RAP1GAP2: variants seen among roughly 807,000 people sequenced by gnomAD.
The protein encoded by RAP1GAP2 is rap1 GTPase-activating protein 2.
A neutral mutation model predicts 95.0 loss-of-function variants in RAP1GAP2; 27 were observed. The observed-to-expected ratio is 0.28, with a 90% CI of 0.21 to 0.39. The LOEUF (loss-of-function observed/expected upper bound fraction) is 0.39. Among genes scored for constraint, RAP1GAP2 ranks in the 10% least tolerant of loss-of-function variants. The pLI, the probability that RAP1GAP2 is intolerant of heterozygous loss-of-function variation, is 1.00. For missense variants in RAP1GAP2, 771 were observed against 970.0 expected (o/e 0.79, Z 2.72); for synonymous variants, 373 against 380.9 (o/e 0.98, Z 0.24).
intron 2 of RAP1GAP2, among the ~76,000 whole-genome samples, chr17:2,808,315 C>G (rs1323837143): frequency 6.6e-6 from 1 of 152,098 alleles, no homozygotes; most frequent in African/African-American, 2.4e-5. Context: ...TCTCAGAAGG[C>G]TTCCTGTGAG....
rs575454893 is a variant in RAP1GAP2 at position 2,913,929 on chromosome 17, G to A, written c.165+8561G>A. ...TCTGTTGCCCAGGCTGGAGAGCAGT[G>A]ACGCAATCTCTGCTCACTGCAGCCT... On this transcript the variant is annotated intron_variant, in intron 3 of 24. Transcript: ENST00000254695. Among the ~76,000 whole-genome samples, 15 of 151,698 alleles carry A rather than the reference G, an allele frequency of 9.9e-5. No individual in the cohort carries two copies. In the East Asian group the frequency reaches 2.9e-3, roughly 30 times the overall value.
At chr17:2,774,691 G>A (rs562152338), upstream of RAP1GAP2, among the ~76,000 whole-genome samples, 24 of 151,624 alleles carry the variant, frequency 1.6e-4, no homozygotes, top group African/African-American at 5.6e-4. Flanking sequence ...GGCTGGTCTC[G>A]AATTCCTGAC....
In RAP1GAP2 at chr17:2,890,943, C is replaced by T. The variant is rs1008384915; in HGVS notation, c.81-14341C>T. On this transcript the variant is annotated intron_variant, in intron 2 of 24. Coordinates refer to ENST00000254695, the MANE Select transcript of RAP1GAP2 (RefSeq NM_015085.5). ...TCTAGTGATCTGCCCACCTCGGCCTCCCAAAGTGCTGGGATTACAGGCTTG... is the reference window on the plus strand; with the variant it reads ...TCTAGTGATCTGCCCACCTCGGCCTTCCAAAGTGCTGGGATTACAGGCTTG... Among the ~76,000 whole-genome samples, 4 of 152,210 alleles carry T rather than the reference C, an allele frequency of 2.6e-5. No individual in the cohort carries two copies. The East Asian group carries it at 7.7e-4, about 29-fold the overall frequency.
rs1227248405 is a variant in RAP1GAP2, at chr17:2,849,998, GC to G, written c.80+49449del. ...GTGTCACTAACACCTAACACTGCCTGCTTTTTTTTTTTTTTTTTTTGAGATG... is the reference window on the plus strand; with the variant it reads ...GTGTCACTAACACCTAACACTGCCTGTTTTTTTTTTTTTTTTTTTGAGATG... On this transcript the variant is annotated intron_variant, in intron 2 of 24. Coordinates refer to ENST00000254695, the MANE Select transcript of RAP1GAP2 (RefSeq NM_015085.5). Among the ~76,000 whole-genome samples, 14 of 136,130 alleles carry G rather than the reference GC, an allele frequency of 1.0e-4. 3 individuals are homozygous for G. The highest frequency in any genetic ancestry group is 9.4e-5 in the Non-Finnish European group (6 of 63,950). 89.3% of individuals were successfully genotyped at this position (136,130 alleles called of 152,430 possible). A position where few individuals can be genotyped will look rare whatever the true frequency, so the allele number is the denominator to read the frequency against.
Position 2,995,332 on chromosome 17 carries a change from G to T in RAP1GAP2, c.915-5G>T. 6.2e-7 allele frequency: 1 copy of T among 1,613,314 alleles called. No homozygotes were observed. Among genetic ancestry groups the T allele is most frequent in the South Asian group, 1.1e-5 (1 of 91,058 alleles). On this transcript the variant is annotated splice_polypyrimidine_tract_variant and splice_region_variant and intron_variant, in intron 12 of 24. Transcript: ENST00000254695. Reference sequence around the variant, plus strand: ...TCCCCATCTCCTGCCCTGTTTTGTTGACAGTTTCCGAGGAGGCCTGGACGT... The same window carrying T: ...TCCCCATCTCCTGCCCTGTTTTGTTTACAGTTTCCGAGGAGGCCTGGACGT...
rs540672425 is a variant in RAP1GAP2 at position 2,904,834 on chromosome 17, G to A, written c.81-450G>A. ...TTAGAGTAGCACTGCTTTAGATTTTGGTGCATTGGAGTAAAGAAAATGCTC... is the reference window on the plus strand; with the variant it reads ...TTAGAGTAGCACTGCTTTAGATTTTAGTGCATTGGAGTAAAGAAAATGCTC... On this transcript the variant is annotated intron_variant, in intron 2 of 24. Coordinates refer to ENST00000254695, the MANE Select transcript of RAP1GAP2 (RefSeq NM_015085.5). This position sits in a 1 kb window ranked among gnomAD's most constrained non-coding sequence, Gnocchi z 4.7. Among the ~76,000 whole-genome samples, 1 of 152,024 alleles carries A rather than the reference G, an allele frequency of 6.6e-6. No individual in the cohort carries two copies. The highest frequency in any genetic ancestry group is 2.4e-5 in the African/African-American group (1 of 41,462).
chr17:2,915,086 G>A lies in RAP1GAP2; in HGVS notation c.165+9718G>A, dbSNP rs376922471. Among the ~76,000 whole-genome samples the A allele has an allele frequency of 1.4e-4, 21 of 152,020 alleles. No individual in the cohort carries two copies. The South Asian group carries it at 3.7e-3, about 27-fold the overall frequency. ...ATTACAGACGTGAGCCACTGCGTCC[G>A]GCCTTCTTCTTTTTAGAAATAGAGA... On this transcript the variant is annotated intron_variant, in intron 3 of 24. Coordinates refer to ENST00000254695, the MANE Select transcript of RAP1GAP2 (RefSeq NM_015085.5).
chr17:2,829,817 A>ATTTTT (rs34423747), intron 2 of RAP1GAP2, among the ~76,000 whole-genome samples: 3 of 130,966 alleles, frequency 2.3e-5, no homozygotes, highest in African/African-American at 8.8e-5. Context: ...TCTCTCTTAA[A>ATTTTT]TTTTTTTTTT....
chr17:2,795,813 C>T (rs117794008), upstream of RAP1GAP2, among the ~76,000 whole-genome samples: 282 of 152,136 alleles, frequency 1.9e-3, 1 homozygote, highest in African/African-American at 6.3e-3. Flanking sequence ...TGGATGTGCA[C>T]GGGAGCGTGT....
chr17:2,840,278 C>T (rs536631968), intron 2 of RAP1GAP2, among the ~76,000 whole-genome samples: 1 of 151,974 alleles, frequency 6.6e-6, no homozygotes, highest in South Asian at 2.1e-4. Flanking sequence ...ATTCTCCTGC[C>T]TCAGCCTCCC....
chr17:2,877,651 T>G (rs2151658240), intron 2 of RAP1GAP2, among the ~76,000 whole-genome samples: 1 of 152,276 alleles, frequency 6.6e-6, no homozygotes, highest in East Asian at 1.9e-4. Flanking sequence ...TTCAGGAGGC[T>G]GAGGCATGAG....
At chr17:2,976,508 T>G (rs2045127970) in intron 8 of RAP1GAP2, among the ~76,000 whole-genome samples, 1 of 152,184 alleles carries the variant, frequency 6.6e-6, no homozygotes, top group South Asian at 2.1e-4. Context: ...TAGAACTAAA[T>G]GACAGTGAAG....
rs1322923718 is a variant in RAP1GAP2, at chr17:2,965,009, C to T, written c.493-531C>T. 6.5e-6 allele frequency: 1 copy of T among 154,764 alleles called. No individual in the cohort carries two copies. Among genetic ancestry groups the T allele is most frequent in the Non-Finnish European group, 1.4e-5 (1 of 69,580 alleles). 9.6% of individuals were successfully genotyped at this position (154,764 alleles called of 1,614,324 possible). On this transcript the variant is annotated intron_variant, in intron 7 of 24. Transcript: ENST00000254695. This position sits in a 1 kb window ranked among gnomAD's most constrained non-coding sequence, Gnocchi z 4.7. ...GGAGCTGTGTTTTTCGCCCGTGTTC[C>T]CCGAGCCAGGGAGTGACCCACTGGC...
chr17:2,897,358 C>CA (rs1324853009), intron 2 of RAP1GAP2, among the ~76,000 whole-genome samples: 3 of 151,164 alleles, frequency 2.0e-5, no homozygotes, highest in Non-Finnish European at 3.0e-5. Flanking sequence ...AACAAACAAA[C>CA]AAAAAAATGG....
At chr17:2,885,871 A>G (rs2073477198) in intron 2 of RAP1GAP2, among the ~76,000 whole-genome samples, 1 of 152,208 alleles carries the variant, frequency 6.6e-6, no homozygotes, top group African/African-American at 2.4e-5. Context: ...CCCTTCCAGC[A>G]TTATTGACAT....
At chr17:2,776,237 T>C (rs2068495881), upstream of RAP1GAP2, among the ~76,000 whole-genome samples, 1 of 152,160 alleles carries the variant, frequency 6.6e-6, no homozygotes, top group African/African-American at 2.4e-5. Flanking sequence ...TGAGCAGCCC[T>C]GGAGACTCGC....
At chr17:2,768,430 G>A (rs1342070312) in intron 1 of RAP1GAP2, among the ~76,000 whole-genome samples, 1 of 152,158 alleles carries the variant, frequency 6.6e-6, no homozygotes, top group East Asian at 1.9e-4. Context: ...GGTGGCTCAC[G>A]CCTGCAATCC....
chr17:2,918,971 A>G (rs1179952036), intron 3 of RAP1GAP2, among the ~76,000 whole-genome samples: 4 of 152,200 alleles, frequency 2.6e-5, no homozygotes, highest in Non-Finnish European at 5.9e-5. Context: ...ATGTGCGGAG[A>G]ATAGCAATGC....
At chr17:2,798,351 T>C (rs1159930047) in intron 1 of RAP1GAP2, among the ~76,000 whole-genome samples, 1 of 152,186 alleles carries the variant, frequency 6.6e-6, no homozygotes. Context: ...GCTCAGTCGA[T>C]GCTTGTGGAC....
Sources: gnomAD v4.1 joint callset for allele counts (sites outside exome capture counted in the v4.1 genomes callset) on GRCh38, gnomAD v4.1.1 for gene constraint, Gnocchi (gnomAD v3.1) non-coding constraint, MANE v1.5 for transcripts, NCBI Gene and HGNC (gene_info 2026-07-23, HGNC 2026-07-21) for gene names.